The following BDKRB2 variants were observed in gnomAD, a reference collection of about 807,000 sequenced individuals.
The protein encoded by BDKRB2 is bradykinin receptor B2, also known as B2 bradykinin receptor.
In BDKRB2, 6 loss-of-function variants were observed where a neutral mutation model predicts 4.0. The ratio of observed to expected loss-of-function variants is 1.49; its 90% CI spans 0.81 to 2.93. The LOEUF is 2.93. Ranked by LOEUF, BDKRB2 falls within the 30% of genes most tolerant of loss-of-function variation. The pLI is 0.00. For synonymous variants in BDKRB2, 225 were observed against 215.3 expected (o/e 1.05, Z -0.40); for missense variants, 478 against 520.1 (o/e 0.92, Z 0.79).
At chr14:96,225,162 C>T (rs959250520) in intron 1 of BDKRB2, among the ~76,000 whole-genome samples, 9 of 152,140 alleles carry the variant, frequency 5.9e-5, no homozygotes, top group African/African-American at 1.9e-4. Flanking sequence ...ATGGGGAGTT[C>T]ACTGCATCCC....
At chr14:96,228,238 A>G (rs1277259896) in intron 1 of BDKRB2, among the ~76,000 whole-genome samples, 1 of 152,222 alleles carries the variant, frequency 6.6e-6, no homozygotes, top group African/African-American at 2.4e-5. Flanking sequence ...CTGGCCCTAC[A>G]GTACCGTCTA....
chr14:96,238,936 A>G (rs1326116630), intron 2 of BDKRB2: 1 of 985,402 alleles, frequency 1.0e-6, no homozygotes, highest in African/African-American at 1.7e-5. Flanking sequence ...CTCAGCACAG[A>G]GCAGACGCTC....
intron 1 of BDKRB2, among the ~76,000 whole-genome samples, chr14:96,230,624 T>C (rs1266686194): frequency 6.6e-6 from 1 of 150,874 alleles, no homozygotes; most frequent in Admixed American, 6.6e-5. Context: ...GCTGTAGTTT[T>C]TTTTTTTTTT....
At position 96,241,430 on chromosome 14, in the gene BDKRB2, G is replaced by C. The variant is rs1302420548; in HGVS notation, c.1102G>C (p.Gly368Arg). 2.5e-6 allele frequency: 4 copies of C among 1,602,760 alleles called. No homozygotes were observed. The East Asian group carries it at 8.9e-5, about 36-fold the overall frequency. ...SEPIQMENSMGTLRTSISVER... is the reference protein window; with the variant it reads ...SEPIQMENSMRTLRTSISVER... ...ACCCATTCAGATGGAGAACTCCATGGGCACACTGCGGACCTCCATCTCCGT... is the reference window on the plus strand; with the variant it reads ...ACCCATTCAGATGGAGAACTCCATGCGCACACTGCGGACCTCCATCTCCGT... The change falls in exon 3 of 3, where the codon GGC becomes CGC. Residue 368 changes from glycine (G) to arginine (R), a missense_variant. Gly to Arg is a moderately radical substitution (Grantham distance 125). Transcript: ENST00000554311.
At chr14:96,213,405 T>A (rs1006426709) in intron 1 of BDKRB2, among the ~76,000 whole-genome samples, 6 of 152,020 alleles carry the variant, frequency 3.9e-5, no homozygotes, top group African/African-American at 1.5e-4. Context: ...ACAGTCACAC[T>A]GATGGTTTGT....
At chr14:96,207,100 A>C (rs1482613106) in intron 1 of BDKRB2, among the ~76,000 whole-genome samples, 1 of 152,110 alleles carries the variant, frequency 6.6e-6, no homozygotes, top group Non-Finnish European at 1.5e-5. Context: ...AAGTCTCAAC[A>C]GGTGAATTTT....
chr14:96,210,544 A>T (rs914500339), intron 1 of BDKRB2, among the ~76,000 whole-genome samples: 7 of 152,278 alleles, frequency 4.6e-5, no homozygotes, highest in African/African-American at 1.7e-4. Context: ...GTTACAATTG[A>T]TGTGTCCTTG....
chr14:96,213,414 G>T (rs1890346439), intron 1 of BDKRB2, among the ~76,000 whole-genome samples: 2 of 151,920 alleles, frequency 1.3e-5, no homozygotes, highest in South Asian at 4.2e-4. Flanking sequence ...CTGATGGTTT[G>T]TCCCTAAGCC....
In BDKRB2 at chr14:96,204,918, C is replaced by G. The variant is rs201777442; in HGVS notation, c.-81C>G. The stretch of plus-strand genomic sequence containing the variant: ...GGGACATCAGGCTGCCCCGCAGTAC[C>G]AGGGAGCGACTGAAGTGCCCATGCC... On this transcript the variant is annotated 5_prime_UTR_variant, in exon 1 of 3. Transcript: ENST00000554311. The G allele has an allele frequency of 6.0e-5, 18 of 302,274 alleles. No homozygotes were observed. Among genetic ancestry groups the G allele is most frequent in the Admixed American group, 3.4e-4 (8 of 23,846 alleles). 18.7% of individuals were successfully genotyped at this position (302,274 alleles called of 1,614,324 possible).
At chr14:96,236,805 A>C (rs1187400224) in intron 1 of BDKRB2, among the ~76,000 whole-genome samples, 1 of 152,140 alleles carries the variant, frequency 6.6e-6, no homozygotes, top group East Asian at 1.9e-4. Context: ...CCCATGTTCT[A>C]TGCTCTCACA....
chr14:96,240,075 C>T (rs1187739665), intron 2 of BDKRB2: 13 of 1,063,994 alleles, frequency 1.2e-5, no homozygotes, highest in Non-Finnish European at 1.5e-5. Context: ...AATGTGAATC[C>T]TCCCATCACG....
intron 2 of BDKRB2, 23 bp from the exon 3 acceptor site, chr14:96,240,380 G>A (rs1354501681): frequency 5.6e-6 from 8 of 1,423,238 alleles, no homozygotes; most frequent in Non-Finnish European, 7.4e-6. Context: ...AGGGGTAACA[G>A]CCTCTTTTCC....
intron 1 of BDKRB2, among the ~76,000 whole-genome samples, chr14:96,230,383 A>G (rs1010836817): frequency 1.3e-5 from 2 of 152,020 alleles, no homozygotes; most frequent in African/African-American, 4.8e-5. Flanking sequence ...ATGCTCTTTC[A>G]TGTAGTTATT....
chr14:96,233,342 T>A (rs924583376), intron 1 of BDKRB2: 1 of 152,386 alleles, frequency 6.6e-6, no homozygotes, highest in Non-Finnish European at 1.5e-5. Flanking sequence ...CCTGAGTGTT[T>A]CCATTAGATG....
At chr14:96,232,959 A>AAT (rs1890851922) in intron 1 of BDKRB2, among the ~76,000 whole-genome samples, 1 of 152,258 alleles carries the variant, frequency 6.6e-6, no homozygotes, top group South Asian at 2.1e-4. Flanking sequence ...AAAAGTGAAC[A>AAT]AATTAATTTA....
intron 1 of BDKRB2, chr14:96,214,948 G>C (rs1405794822): frequency 3.3e-5 from 5 of 152,030 alleles, no homozygotes; most frequent in Admixed American, 6.5e-5. Flanking sequence ...AGCTGCCAGG[G>C]GGGCAGCTGT....
chr14:96,237,897 G>A (rs1279040888), intron 2 of BDKRB2: 3 of 1,275,680 alleles, frequency 2.4e-6, no homozygotes, highest in Non-Finnish European at 3.1e-6. Flanking sequence ...TTAATAAGCA[G>A]CATCTGGTGC....
At chr14:96,222,656 C>G (rs1890602314) in intron 1 of BDKRB2, among the ~76,000 whole-genome samples, 1 of 152,072 alleles carries the variant, frequency 6.6e-6, no homozygotes, top group Non-Finnish European at 1.5e-5. Flanking sequence ...TGCACACTCT[C>G]CAATATGGCA....
rs985094505 is a variant in BDKRB2, at chr14:96,243,880, G to T, written c.*2376G>T. 3.1e-6 allele frequency: 1 copy of T among 320,444 alleles called. No individual in the cohort carries two copies. The highest frequency in any genetic ancestry group is 2.1e-5 in the African/African-American group (1 of 47,040). 19.9% of individuals were successfully genotyped at this position (320,444 alleles called of 1,614,324 possible). ...AAGAGGCTGTGTTTTGTCACACAGG[G>T]CAGTCATTCAGCACCAGAGCACGTG... On this transcript the variant is annotated 3_prime_UTR_variant, in exon 3 of 3. Coordinates refer to ENST00000554311, the MANE Select transcript of BDKRB2 (RefSeq NM_001379692.1).
Sources: gnomAD v4.1 joint callset for allele counts (sites outside exome capture counted in the v4.1 genomes callset) on GRCh38, gnomAD v4.1.1 for gene constraint, MANE v1.5 for transcripts, NCBI Gene and HGNC (gene_info 2026-07-23, HGNC 2026-07-21) for gene names.